The following ERC1 variants were observed in gnomAD, a reference collection of about 807,000 sequenced individuals.
ERC1 encodes the protein RAB6 interacting protein 2.
In ERC1, 56 loss-of-function variants were observed where a neutral mutation model predicts 132.0. The ratio of observed to expected loss-of-function variants is 0.42; its 90% CI spans 0.34 to 0.53. ERC1 has a LOEUF of 0.53. Ranked by LOEUF, ERC1 falls within the 20% of genes least tolerant of loss-of-function variation. The probability of loss-of-function intolerance (pLI) is 0.03; values close to 1 mark genes in which losing one functional copy is unlikely to be tolerated. For synonymous variants in ERC1, 478 were observed against 476.1 expected, an observed-to-expected ratio of 1.00 and a Z score of -0.05; for missense variants, 1,202 against 1,349.9, an observed-to-expected ratio of 0.89 and a Z score of 1.72.
At chr12:1,020,775 G>A (rs1966237704) in intron 1 of ERC1, 2 of 152,150 alleles carry the variant, frequency 1.3e-5, no homozygotes, top group Admixed American at 1.3e-4. Flanking sequence ...TGTCTTTTAA[G>A]AGTTAGTCAT....
At chr12:1,144,304 A>T (rs1006294501) in intron 8 of ERC1, among the ~76,000 whole-genome samples, 1 of 152,098 alleles carries the variant, frequency 6.6e-6, no homozygotes, top group Admixed American at 6.6e-5. Context: ...GTTTGGTGAC[A>T]TGGATAAGTT....
At chr12:1,241,847 CTTTTTTTTTTTTTTT>C (rs57016547) in intron 13 of ERC1, among the ~76,000 whole-genome samples, 2 of 80,512 alleles carry the variant, frequency 2.5e-5, no homozygotes, top group East Asian at 7.5e-4. Flanking sequence ...TCTTCTTCTT[CTTTTTTTTTTTTTTT>C]TTTTTTTTTT....
chr12:1,370,048 C>G (rs74057186), intron 15 of ERC1, among the ~76,000 whole-genome samples: 2,490 of 152,290 alleles, frequency 0.016, 71 homozygotes, highest in African/African-American at 0.056. Context: ...TAACAAAAGA[C>G]AGAAGCAAGG....
chr12:1,438,946 T>TAAAAAAAAAA (rs145056944), intron 17 of ERC1, among the ~76,000 whole-genome samples: 2 of 144,638 alleles, frequency 1.4e-5, no homozygotes, highest in African/African-American at 2.6e-5. Flanking sequence ...TGTCTCAATT[T>TAAAAAAAAAA]AAAAAAAAAT....
intron 15 of ERC1, among the ~76,000 whole-genome samples, chr12:1,319,921 G>T (rs76706342): frequency 0.025 from 3,838 of 152,046 alleles, 72 homozygotes; most frequent in South Asian, 0.08. Context: ...GCAGGGGGGC[G>T]GCTTCTTATT....
intron 3 of ERC1, among the ~76,000 whole-genome samples, chr12:1,099,004 G>C (rs1449377346): frequency 6.6e-6 from 1 of 152,182 alleles, no homozygotes; most frequent in African/African-American, 2.4e-5. Context: ...CAAGTGTCTA[G>C]GAGGGATTGG....
At chr12:1,371,341 A>G (rs11061718) in intron 15 of ERC1, among the ~76,000 whole-genome samples, 63,496 of 152,064 alleles carry the variant, frequency 0.42, 14,830 homozygotes, top group African/African-American at 0.63. Context: ...AGGGGAACTT[A>G]TTAAGATAAC....
At chr12:1,373,242 A>G (rs1287050641) in intron 16 of ERC1, among the ~76,000 whole-genome samples, 1 of 152,258 alleles carries the variant, frequency 6.6e-6, no homozygotes, top group Non-Finnish European at 1.5e-5. Context: ...CAAAGCTGAT[A>G]ATAGCAAATT....
intron 14 of ERC1, 97 bp from the exon 15 acceptor site, chr12:1,289,755 C>T (rs2079306734): frequency 4.5e-6 from 4 of 893,006 alleles, no homozygotes; most frequent in Non-Finnish European, 7.1e-6. Context: ...TCCTGCGTCT[C>T]TTCAATTTTC....
intron 8 of ERC1, among the ~76,000 whole-genome samples, chr12:1,175,425 G>A (rs1339597707): frequency 4.0e-5 from 6 of 149,684 alleles, no homozygotes; most frequent in Admixed American, 4.0e-4. Context: ...TGTCATTTCA[G>A]CAATGTTCAC....
rs915043842 is a variant in ERC1, at chr12:1,495,153, C to T, written c.*4923C>T. 4.3e-6 allele frequency: 1 copy of T among 230,186 alleles called. No individual in the cohort carries two copies. The allele number at this position is 230,186 out of a possible 1,614,324, so 14.3% of individuals were successfully genotyped here. ...GCCTAATACTGCATGGTAACCTGGG[C>T]TTGACCCTGAAGCCCCTGCCTGGCA... On this transcript the variant is annotated 3_prime_UTR_variant, in exon 19 of 19. Transcript: ENST00000360905.
chr12:1,450,660 AAAG>A (rs1422553387), intron 18 of ERC1, among the ~76,000 whole-genome samples: 1 of 152,234 alleles, frequency 6.6e-6, no homozygotes, highest in Non-Finnish European at 1.5e-5. Context: ...TATAAAATCA[AAAG>A]AAGAGAAATT....
At chr12:1,108,475 G>T (rs2154201303) in intron 4 of ERC1, among the ~76,000 whole-genome samples, 1 of 152,230 alleles carries the variant, frequency 6.6e-6, no homozygotes, top group African/African-American at 2.4e-5. Context: ...TACCACTCAG[G>T]CTGATGACAG....
intron 12 of ERC1, among the ~76,000 whole-genome samples, chr12:1,198,939 C>A (rs1258618257): frequency 6.8e-6 from 1 of 147,270 alleles, no homozygotes; most frequent in East Asian, 2.0e-4. Flanking sequence ...CTGGGGATCA[C>A]AGTTCAACAT....
chr12:1,450,031 T>C (rs2093391016), intron 18 of ERC1, among the ~76,000 whole-genome samples: 1 of 152,196 alleles, frequency 6.6e-6, no homozygotes, highest in South Asian at 2.1e-4. Flanking sequence ...AATCTGCCAA[T>C]AGTATACTTC....
At chr12:1,325,007 A>T (rs1030011372) in intron 15 of ERC1, among the ~76,000 whole-genome samples, 3 of 152,222 alleles carry the variant, frequency 2.0e-5, no homozygotes, top group Non-Finnish European at 4.4e-5. Context: ...AACATAGAAT[A>T]TTAGTGAGTT....
intron 17 of ERC1, chr12:1,443,819 G>C (rs2093229591): frequency 6.6e-6 from 1 of 152,246 alleles, no homozygotes; most frequent in African/African-American, 2.4e-5. Context: ...TGTTCAAGCA[G>C]GGGAAAGGAA....
chr12:1,068,467 C>G (rs1939696167), intron 2 of ERC1, among the ~76,000 whole-genome samples: 1 of 148,286 alleles, frequency 6.7e-6, no homozygotes, highest in Non-Finnish European at 1.5e-5. Context: ...AAAATAATTA[C>G]TTTTCCCTTT....
intron 12 of ERC1, among the ~76,000 whole-genome samples, chr12:1,220,345 T>TG (rs1266922304): frequency 2.0e-4 from 30 of 152,220 alleles, no homozygotes; most frequent in Non-Finnish European, 3.7e-4. Context: ...TTTTTCTTCC[T>TG]TAGCTGTATT....
Sources: gnomAD v4.1 joint callset for allele counts (sites outside exome capture counted in the v4.1 genomes callset) on GRCh38, gnomAD v4.1.1 for gene constraint, MANE v1.5 for transcripts, NCBI Gene and HGNC (gene_info 2026-07-23, HGNC 2026-07-21) for gene names.